Variants in YTHDF3 observed in about 807,000 individuals in gnomAD.
YTHDF3 encodes the protein YTH N6-methyladenosine RNA binding protein F3.
YTHDF3 carries 9 observed loss-of-function variants against 52.5 expected under a neutral mutation model. That is an observed-to-expected ratio of 0.17 (90% confidence interval 0.10 to 0.30). The LOEUF is 0.30. Among genes scored for constraint, YTHDF3 ranks in the 10% least tolerant of loss-of-function variants. The probability of loss-of-function intolerance (pLI) is 1.00; values close to 1 mark genes in which losing one functional copy is unlikely to be tolerated. For synonymous variants in YTHDF3, 274 were observed against 243.3 expected (o/e 1.13, Z -1.18); for missense variants, 534 against 715.0 (o/e 0.75, Z 2.89).
rs567053246 is a variant in YTHDF3 at position 63,180,161 on chromosome 8, G to A, written c.135+4745G>A. Among the ~76,000 whole-genome samples the A allele has an allele frequency of 4.0e-5, 6 of 151,200 alleles. No individual in the cohort carries two copies. The East Asian group carries it at 9.9e-4, about 25-fold the overall frequency. ...AATGGGGTGGCTGCTGGGCGGAGGG[G>A]CTCCTCACTTCTCAGACGGGGCGGC... On this transcript the variant is annotated intron_variant, in intron 3 of 4. Coordinates refer to ENST00000539294, the MANE Select transcript of YTHDF3 (RefSeq NM_152758.6).
chr8:63,212,146 T>C lies in YTHDF3; in HGVS notation c.*2440T>C, dbSNP rs942048047. The C allele has an allele frequency of 6.6e-6, 1 of 152,610 alleles. No homozygotes were observed. Among genetic ancestry groups the C allele is most frequent in the African/African-American group, 2.4e-5 (1 of 41,456 alleles). 9.5% of individuals were successfully genotyped at this position (152,610 alleles called of 1,614,324 possible). A position where few individuals can be genotyped will look rare whatever the true frequency, so the allele number is the denominator to read the frequency against. On this transcript the variant is annotated 3_prime_UTR_variant, in exon 5 of 5. Coordinates refer to ENST00000539294, the MANE Select transcript of YTHDF3 (RefSeq NM_152758.6). The stretch of plus-strand genomic sequence containing the variant: ...GCCCAGTAAATTTCTTGCTTAATGT[T>C]TTTCCAAGTTCTGGCTTGAATATTT...
At position 63,209,938 on chromosome 8, in the gene YTHDF3, G is replaced by T; in HGVS notation, c.*232G>T. On this transcript the variant is annotated 3_prime_UTR_variant, in exon 5 of 5. Transcript: ENST00000539294. ...TTCGTCAAGCACTTTCTGTCCTGAAGCTTTTACCAGTATCTGCTGTCTTTT... is the reference window on the plus strand; with the variant it reads ...TTCGTCAAGCACTTTCTGTCCTGAATCTTTTACCAGTATCTGCTGTCTTTT... The T allele has an allele frequency of 2.3e-6, 1 of 443,884 alleles. No individual in the cohort carries two copies. The highest frequency in any genetic ancestry group is 4.0e-5 in the Admixed American group (1 of 24,798). The allele number at this position is 443,884 out of a possible 1,614,324, so 27.5% of individuals were successfully genotyped here. A position where few individuals can be genotyped will look rare whatever the true frequency, so the allele number is the denominator to read the frequency against.
In YTHDF3 at chr8:63,170,260, A is replaced by G. The variant is rs1191777987; in HGVS notation, c.49+849A>G. On this transcript the variant is annotated intron_variant, in intron 2 of 4. Coordinates refer to ENST00000539294, the MANE Select transcript of YTHDF3 (RefSeq NM_152758.6). ...TACACTAAAATTATGCTTTCTGTTG[A>G]TTTCAGTAACACAGTGTTAGAAATT... is the stretch of plus-strand genomic sequence containing the variant. 2.0e-5 allele frequency among the ~76,000 whole-genome samples: 3 copies of G among 152,210 alleles called. No individual in the cohort carries two copies. The East Asian group carries it at 5.8e-4, about 29-fold the overall frequency.
At chr8:63,207,094 C>T (rs1017065850) in intron 4 of YTHDF3, among the ~76,000 whole-genome samples, 9 of 152,130 alleles carry the variant, frequency 5.9e-5, no homozygotes, top group Non-Finnish European at 1.3e-4. Flanking sequence ...GTCAGCTTCT[C>T]CTTGTACTTG....
rs748582377 is a variant in YTHDF3, at chr8:63,187,013, T to A, written c.1002T>A (p.Pro334=). ...QPPQPQQQQG[P]QPQAQPHQVQ... ...CACAACCACAGCAGCAACAAGGACCTCAGCCACAGGCCCAGCCTCACCAAG... is the reference window on the plus strand; with the variant it reads ...CACAACCACAGCAGCAACAAGGACCACAGCCACAGGCCCAGCCTCACCAAG... The change falls in exon 4 of 5, where the codon CCT becomes CCA. Residue 334 remains proline, a synonymous_variant. Transcript: ENST00000539294. 2 of 1,613,538 alleles carry A rather than the reference T, an allele frequency of 1.2e-6. No individual in the cohort carries two copies. Among genetic ancestry groups the A allele is most frequent in the Non-Finnish European group, 1.7e-6 (2 of 1,179,710 alleles).
intron 4 of YTHDF3, among the ~76,000 whole-genome samples, chr8:63,196,951 A>G (rs1809280180): frequency 6.6e-6 from 1 of 152,150 alleles, no homozygotes; most frequent in South Asian, 2.1e-4. Context: ...CTCAGCAGGG[A>G]CCCTATGTGC....
intron 3 of YTHDF3, among the ~76,000 whole-genome samples, chr8:63,178,073 T>A (rs900428731): frequency 1.4e-4 from 21 of 152,346 alleles, no homozygotes; most frequent in African/African-American, 5.1e-4. Context: ...AACTCTTTTT[T>A]AAGGAATTTT....
chr8:63,198,217 CTTTCT>C (rs1314644230), intron 4 of YTHDF3, among the ~76,000 whole-genome samples: 1 of 151,972 alleles, frequency 6.6e-6, no homozygotes, highest in Non-Finnish European at 1.5e-5. Context: ...GTTTTCTCTT[CTTTCT>C]TTTCTTTTCC....
At chr8:63,207,449 C>T (rs546264765) in intron 4 of YTHDF3, among the ~76,000 whole-genome samples, 1 of 152,102 alleles carries the variant, frequency 6.6e-6, no homozygotes, top group African/African-American at 2.4e-5. Context: ...ATGTTTATTT[C>T]TACCCTCTTA....
At chr8:63,181,560 G>A (rs1039673324) in intron 3 of YTHDF3, among the ~76,000 whole-genome samples, 1 of 152,082 alleles carries the variant, frequency 6.6e-6, no homozygotes. Flanking sequence ...TTATACAGAC[G>A]TGTACACACA....
At chr8:63,174,432 G>T (rs1047337397) in intron 2 of YTHDF3, among the ~76,000 whole-genome samples, 2 of 152,168 alleles carry the variant, frequency 1.3e-5, no homozygotes, top group Non-Finnish European at 2.9e-5. Flanking sequence ...ATGAGATGAG[G>T]TAGGTACTAT....
At chr8:63,194,792 A>G (rs963837734) in intron 4 of YTHDF3, among the ~76,000 whole-genome samples, 2 of 152,180 alleles carry the variant, frequency 1.3e-5, no homozygotes, top group East Asian at 1.9e-4. Context: ...CTTGGTTACA[A>G]CAATTTTGAA....
intron 2 of YTHDF3, among the ~76,000 whole-genome samples, chr8:63,171,037 A>G (rs747844855): frequency 6.6e-6 from 1 of 152,172 alleles, no homozygotes; most frequent in Non-Finnish European, 1.5e-5. Flanking sequence ...TTTATCCATC[A>G]GTATCGCTTC....
Position 63,168,717 on chromosome 8 carries a change from G to A in YTHDF3, c.-161G>A. 4 of 1,415,012 alleles carry A rather than the reference G, an allele frequency of 2.8e-6. No individual in the cohort carries two copies. The highest frequency in any genetic ancestry group is 2.0e-5 in the Admixed American group (1 of 49,348). 87.7% of individuals were successfully genotyped at this position (1,415,012 alleles called of 1,614,324 possible). Reference sequence around the variant, plus strand: ...GCGGAAAAGACGGGCCTCTTCCTCCGACTCCCGAGCGCGAGGCCCTCATTT... The same window carrying A: ...GCGGAAAAGACGGGCCTCTTCCTCCAACTCCCGAGCGCGAGGCCCTCATTT... On this transcript the variant is annotated 5_prime_UTR_variant, in exon 1 of 5. Coordinates refer to ENST00000539294, the MANE Select transcript of YTHDF3 (RefSeq NM_152758.6).
chr8:63,173,464 G>A (rs1288265217), intron 2 of YTHDF3, among the ~76,000 whole-genome samples: 2 of 151,944 alleles, frequency 1.3e-5, no homozygotes, highest in African/African-American at 4.8e-5. Flanking sequence ...CTGGTCTTGA[G>A]CTCCTGGCCT....
chr8:63,184,099 A>G (rs1006129104), intron 3 of YTHDF3, among the ~76,000 whole-genome samples: 3 of 152,216 alleles, frequency 2.0e-5, no homozygotes, highest in African/African-American at 7.2e-5. Flanking sequence ...AGCTATTTTC[A>G]ATCTGTGAAT....
chr8:63,193,148 C>G (rs1297253546), intron 4 of YTHDF3, among the ~76,000 whole-genome samples: 1 of 151,844 alleles, frequency 6.6e-6, no homozygotes, highest in Admixed American at 6.6e-5. Flanking sequence ...GAGGCCCAGG[C>G]GCATGGATTG....
At chr8:63,209,653 T>C (rs773728834) in intron 4 of YTHDF3, 30 bp from the exon 5 acceptor site, 1 of 1,546,114 alleles carries the variant, frequency 6.5e-7, no homozygotes, top group Non-Finnish European at 8.7e-7. Flanking sequence ...TTGTAATTCT[T>C]TTTGTGTGTG....
intron 4 of YTHDF3, among the ~76,000 whole-genome samples, chr8:63,198,345 C>CA (rs1167858584): frequency 1.3e-5 from 2 of 152,270 alleles, no homozygotes; most frequent in African/African-American, 4.8e-5. Flanking sequence ...GGGCTCACTG[C>CA]AGTCTCCACC....
Sources: gnomAD v4.1 joint callset for allele counts (sites outside exome capture counted in the v4.1 genomes callset) on GRCh38, gnomAD v4.1.1 for gene constraint, MANE v1.5 for transcripts, NCBI Gene and HGNC (gene_info 2026-07-23, HGNC 2026-07-21) for gene names.